Variants in FGFR2 observed in about 807,000 individuals in gnomAD.
FGFR2 encodes the protein BEK fibroblast growth factor receptor.
Under a neutral mutation model 95.9 loss-of-function variants are expected in FGFR2, and 19 were observed. That is an observed-to-expected ratio of 0.20 (90% CI 0.14 to 0.29). The LOEUF is 0.29. Among genes scored for constraint, FGFR2 ranks in the 10% least tolerant of loss-of-function variants. The probability of loss-of-function intolerance (pLI) is 1.00; values close to 1 mark genes in which losing one functional copy is unlikely to be tolerated. For synonymous variants in FGFR2, 392 were observed against 393.3 expected (o/e 1.00, Z 0.04); for missense variants, 707 against 1,056.9 (o/e 0.67, Z 4.59).
chr10:121,548,281 G>GTTTTTTTTTTTTTTT (rs1854856584), intron 5 of FGFR2, among the ~76,000 whole-genome samples: 1 of 31,990 alleles, frequency 3.1e-5, no homozygotes, highest in Non-Finnish European at 6.2e-5. Flanking sequence ...TTTTTTTTTG[G>GTTTTTTTTTTTTTTT]TAAAGCAAAA....
intron 6 of FGFR2, among the ~76,000 whole-genome samples, chr10:121,524,146 A>ACACACACCCCCCC (rs142755962): frequency 6.2e-4 from 85 of 136,896 alleles, no homozygotes; most frequent in Non-Finnish European, 1.1e-3. Flanking sequence ...ACACACACAC[A>ACACACACCCCCCC]CCCCAAGTTT....
intron 9 of FGFR2, 114 bp downstream of exon 9, chr10:121,515,003 C>T (rs1849509209): frequency 1.0e-6 from 1 of 987,094 alleles, no homozygotes; most frequent in Admixed American, 1.9e-5. Flanking sequence ...ACACCAGAAT[C>T]ACTCGCACAT....
chr10:121,518,919 C>T lies in FGFR2; in HGVS notation c.939+1060G>A, dbSNP rs1223042387. 1 of 1,501,772 alleles carries T rather than the reference C, an allele frequency of 6.7e-7. No homozygotes were observed. Among genetic ancestry groups the T allele is most frequent in the Non-Finnish European group, 9.3e-7 (1 of 1,081,024 alleles). The allele number at this position is 1,501,772 out of a possible 1,614,324, so 93.0% of individuals were successfully genotyped here. On this transcript the variant is annotated intron_variant, in intron 7 of 17. Transcript: ENST00000358487. The surrounding 1 kb of genome is among the most constrained non-coding windows in gnomAD (Gnocchi z 4.0). ...CCACCACCAACACACCGCAAGAAAACAAACTCCATTACGTCTAAACAGCGG... is the reference window on the plus strand; with the variant it reads ...CCACCACCAACACACCGCAAGAAAATAAACTCCATTACGTCTAAACAGCGG...
At chr10:121,520,251 T>C in intron 6 of FGFR2, 82 bp from the exon 7 acceptor site, 4 of 1,394,224 alleles carry the variant, frequency 2.9e-6, no homozygotes, top group Non-Finnish European at 3.9e-6. Flanking sequence ...CAGAGGGCTG[T>C]CAGTGACCTC....
rs950920495 is a variant in FGFR2 at position 121,565,304 on chromosome 10, G to T, written c.376+134C>A. On this transcript the variant is annotated intron_variant, in intron 3 of 17. Transcript: ENST00000358487. ...CCTTTCTGGTGCACCAGGTCCCAAAGAAGAATTTCAAAAACTATGAAGCTG... is the reference window on the plus strand; with the variant it reads ...CCTTTCTGGTGCACCAGGTCCCAAATAAGAATTTCAAAAACTATGAAGCTG... 12 of 1,152,946 alleles carry T rather than the reference G, an allele frequency of 1.0e-5. No homozygotes were observed. The South Asian group carries it at 1.6e-4, about 15-fold the overall frequency. 71.4% of individuals were successfully genotyped at this position (1,152,946 alleles called of 1,614,324 possible).
intron 2 of FGFR2, among the ~76,000 whole-genome samples, chr10:121,580,330 C>G (rs1382129824): frequency 6.6e-6 from 1 of 152,138 alleles, no homozygotes; most frequent in Non-Finnish European, 1.5e-5. Context: ...GCAGATGTGT[C>G]CCCGCCTGAT....
chr10:121,575,979 A>G (rs568554707), intron 2 of FGFR2, among the ~76,000 whole-genome samples: 44 of 151,930 alleles, frequency 2.9e-4, no homozygotes, highest in African/African-American at 1.0e-3. Context: ...TGAGGTCAGG[A>G]GAGTTCAAGA....
chr10:121,519,641 C>T (rs1393384809), intron 7 of FGFR2, among the ~76,000 whole-genome samples: 3 of 152,174 alleles, frequency 2.0e-5, no homozygotes, highest in African/African-American at 7.2e-5. Flanking sequence ...TCTGCACAAC[C>T]GCCCTATGGG....
intron 5 of FGFR2, among the ~76,000 whole-genome samples, chr10:121,544,298 T>C (rs1460826693): frequency 2.6e-5 from 4 of 151,780 alleles, no homozygotes; most frequent in African/African-American, 9.7e-5. Flanking sequence ...ATACAAAAAT[T>C]AGCCGGGCAT....
At chr10:121,504,448 A>T (rs1386221937) in intron 9 of FGFR2, among the ~76,000 whole-genome samples, 1 of 152,202 alleles carries the variant, frequency 6.6e-6, no homozygotes, top group Non-Finnish European at 1.5e-5. Context: ...TATCTCAAGG[A>T]AAGAGTTCTA....
At position 121,593,822 on chromosome 10, in the gene FGFR2, A is replaced by T. The variant is rs2135486859; in HGVS notation, c.-5T>A. 6.2e-7 allele frequency: 1 copy of T among 1,613,600 alleles called. No homozygotes were observed. The highest frequency in any genetic ancestry group is 8.5e-7 in the Non-Finnish European group (1 of 1,179,476). ...GAAACGACCCCAGCTGACCATGGTT[A>T]CGGTACCAATCCCCGGTCCTCTTCC... On this transcript the variant is annotated 5_prime_UTR_variant, in exon 2 of 18. It removes the in-frame stop codon of an upstream open reading frame in the 5' UTR. Coordinates refer to ENST00000358487, the MANE Select transcript of FGFR2 (RefSeq NM_000141.5).
chr10:121,489,070 G>A (rs745415945), intron 13 of FGFR2, among the ~76,000 whole-genome samples: 2 of 145,446 alleles, frequency 1.4e-5, no homozygotes, highest in Non-Finnish European at 3.0e-5. Flanking sequence ...AGGTTTTCTT[G>A]TTTTTGTTTT....
intron 10 of FGFR2, among the ~76,000 whole-genome samples, chr10:121,501,604 A>G (rs1372468789): frequency 6.6e-6 from 1 of 152,240 alleles, no homozygotes; most frequent in African/African-American, 2.4e-5. Context: ...ACGAATAGCC[A>G]TATATTGTCC....
intron 1 of FGFR2, 109 bp downstream of exon 1, chr10:121,597,853 T>C (rs919962003): frequency 1.3e-5 from 5 of 375,768 alleles, no homozygotes; most frequent in African/African-American, 8.3e-5. Flanking sequence ...ACAATGCTAG[T>C]CCTTCCGCGC....
intron 5 of FGFR2, among the ~76,000 whole-genome samples, chr10:121,549,857 C>T (rs1855109091): frequency 6.6e-6 from 1 of 152,190 alleles, no homozygotes; most frequent in African/African-American, 2.4e-5. Flanking sequence ...TCCTGTGAGA[C>T]AGCTGGAGAT....
At chr10:121,577,875 A>T (rs1264489467) in intron 2 of FGFR2, among the ~76,000 whole-genome samples, 1 of 152,032 alleles carries the variant, frequency 6.6e-6, no homozygotes, top group African/African-American at 2.4e-5. Flanking sequence ...CTCCTCCACC[A>T]GCCTCTTCTC....
chr10:121,571,293 C>CT lies in FGFR2; in HGVS notation c.110-5590_110-5589insA, dbSNP rs1564712761. 7.5e-3 allele frequency among the ~76,000 whole-genome samples: 649 copies of CT among 87,046 alleles called. 20 individuals are homozygous for CT. The highest frequency in any genetic ancestry group is 0.025 in the African/African-American group (574 of 22,566). 57.1% of individuals were successfully genotyped at this position (87,046 alleles called of 152,430 possible). A position where few individuals can be genotyped will look rare whatever the true frequency, so the allele number is the denominator to read the frequency against. The stretch of plus-strand genomic sequence containing the variant: ...TACAGGCGTGAGCCACCGTGCCTGG[C>CT]CTTTTTTTTTTTTTTTTTTTTTTTT... On this transcript the variant is annotated intron_variant, in intron 2 of 17. Transcript: ENST00000358487.
At chr10:121,526,419 C>A (rs41295527) in intron 6 of FGFR2, among the ~76,000 whole-genome samples, 1 of 152,162 alleles carries the variant, frequency 6.6e-6, no homozygotes, top group Non-Finnish European at 1.5e-5. Flanking sequence ...AAAGGCCCCA[C>A]GCTAATTACA....
intron 5 of FGFR2, 129 bp downstream of exon 5, chr10:121,551,161 A>G (rs1365814162): frequency 1.1e-5 from 11 of 1,017,832 alleles, no homozygotes; most frequent in East Asian, 2.7e-5. Flanking sequence ...TGGAGGTTGC[A>G]GTGAACCGAG....
Sources: gnomAD v4.1 joint callset for allele counts (sites outside exome capture counted in the v4.1 genomes callset) on GRCh38, gnomAD v4.1.1 for gene constraint, Gnocchi (gnomAD v3.1) non-coding constraint, MANE v1.5 for transcripts, NCBI Gene and HGNC (gene_info 2026-07-23, HGNC 2026-07-21) for gene names.